The following ECE2 variants were observed in gnomAD, a reference collection of about 807,000 sequenced individuals.
ECE2 encodes endothelin converting enzyme 2, also known as endothelin-converting enzyme 2.
Under a neutral mutation model 100.6 loss-of-function variants are expected in ECE2, and 81 were observed. The ratio of observed to expected loss-of-function variants is 0.81; its 90% CI spans 0.67 to 0.97. The LOEUF (loss-of-function observed/expected upper bound fraction) is 0.97. Among genes scored for constraint, ECE2 ranks in the 50% least tolerant of loss-of-function variants. The pLI is 0.00. For missense variants in ECE2, 911 were observed against 988.1 expected (o/e 0.92, Z 1.05); for synonymous variants, 391 against 391.5 (o/e 1.00, Z 0.02).
chr3:184,291,624 C>G lies in ECE2; in HGVS notation c.2121+185C>G. On this transcript the variant is annotated intron_variant, in intron 18 of 18. Transcript: ENST00000404464. This position sits in a 1 kb window ranked among gnomAD's most constrained non-coding sequence, Gnocchi z 4.1. ...GGCCAGCCAGGGCCCACAAAGGCAG[C>G]CTGAAGAGGCCTGAGCGGGAGAATG... 1 of 568,508 alleles carries G rather than the reference C, an allele frequency of 1.8e-6. No individual in the cohort carries two copies. The highest frequency in any genetic ancestry group is 3.1e-6 in the Non-Finnish European group (1 of 327,676). The allele number at this position is 568,508 out of a possible 1,614,324, so 35.2% of individuals were successfully genotyped here. A position where few individuals can be genotyped will look rare whatever the true frequency, so the allele number is the denominator to read the frequency against.
Position 184,285,641 on chromosome 3 carries a change from C to A in ECE2, c.1263+49C>A, listed in dbSNP as rs113773237. ...ACGTTCTGATCCAGTCTAACCGATG[C>A]TGCATACCTTCAGTGTGACAGGCAC... On this transcript the variant is annotated intron_variant, in intron 10 of 18. Coordinates refer to ENST00000404464, the MANE Select transcript of ECE2 (RefSeq NM_001100121.2). 1,013 of 1,324,638 alleles carry A rather than the reference C, an allele frequency of 7.6e-4. 5 individuals carry two copies. The African/African-American group carries it at 0.014, about 18-fold the overall frequency. 82.1% of individuals were successfully genotyped at this position (1,324,638 alleles called of 1,614,324 possible). A position where few individuals can be genotyped will look rare whatever the true frequency, so the allele number is the denominator to read the frequency against.
At chr3:184,283,162 T>C (rs1045397344) in intron 7 of ECE2, among the ~76,000 whole-genome samples, 5 of 152,178 alleles carry the variant, frequency 3.3e-5, no homozygotes, top group African/African-American at 1.2e-4. Flanking sequence ...TTACTCTGTG[T>C]TCTAGTCCCT....
At chr3:184,279,107 C>T (rs1294210629) in intron 7 of ECE2, among the ~76,000 whole-genome samples, 1 of 151,792 alleles carries the variant, frequency 6.6e-6, no homozygotes, top group Non-Finnish European at 1.5e-5. Flanking sequence ...GTCAGGAGTT[C>T]GAGACCAGGC....
chr3:184,291,983 C>T lies in ECE2; in HGVS notation c.2122-79C>T, dbSNP rs1363712334. 6.6e-6 allele frequency: 10 copies of T among 1,505,032 alleles called. 1 individual carries two copies. The South Asian group carries it at 8.9e-5, about 13-fold the overall frequency. 93.2% of individuals were successfully genotyped at this position (1,505,032 alleles called of 1,614,324 possible). A position where few individuals can be genotyped will look rare whatever the true frequency, so the allele number is the denominator to read the frequency against. On this transcript the variant is annotated intron_variant, in intron 18 of 18. Coordinates refer to ENST00000404464, the MANE Select transcript of ECE2 (RefSeq NM_001100121.2). The surrounding 1 kb of genome is among the most constrained non-coding windows in gnomAD (Gnocchi z 4.1). ...GGCTGCAGCGGTGGTGGTTTGTGCCCCTGGGATGGCTGTAGCTGACTCTAA... is the reference window on the plus strand; with the variant it reads ...GGCTGCAGCGGTGGTGGTTTGTGCCTCTGGGATGGCTGTAGCTGACTCTAA...
Position 184,291,515 on chromosome 3 carries a change from G to A in ECE2, c.2121+76G>A. 2.2e-6 allele frequency: 3 copies of A among 1,346,316 alleles called. No individual in the cohort carries two copies. Among genetic ancestry groups the A allele is most frequent in the African/African-American group, 3.0e-5 (2 of 67,474 alleles). 83.4% of individuals were successfully genotyped at this position (1,346,316 alleles called of 1,614,324 possible). ...CTGAGTATGTCATTAGGAGAACTCT[G>A]GGGCACGTGTCAAACGGGCTGGTGA... On this transcript the variant is annotated intron_variant, in intron 18 of 18. Transcript: ENST00000404464. The surrounding 1 kb of genome is among the most constrained non-coding windows in gnomAD (Gnocchi z 4.1).
chr3:184,288,639 C>T (rs1721173621), intron 11 of ECE2, among the ~76,000 whole-genome samples: 1 of 152,032 alleles, frequency 6.6e-6, no homozygotes, highest in Admixed American at 6.6e-5. Context: ...CCTTAAATGG[C>T]TGATATATCT....
chr3:184,277,449 T>C lies in ECE2; in HGVS notation c.461T>C (p.Ile154Thr), dbSNP rs564514075. 4.3e-6 allele frequency: 7 copies of C among 1,614,176 alleles called. No homozygotes were observed. The African/African-American group carries it at 8.0e-5, about 18-fold the overall frequency. Reference sequence around the variant, plus strand: ...AGCCTCTGGGACCAAAACCAGGCCATACTGAAGCACCTGCTTGGTGAGTGG... The same window carrying C: ...AGCCTCTGGGACCAAAACCAGGCCACACTGAAGCACCTGCTTGGTGAGTGG... ...FNSLWDQNQA[I>T]LKHLLENTTF... The change falls in exon 4 of 19, where the codon ATA (isoleucine) becomes ACA (threonine). Residue 154 changes from isoleucine to threonine, a missense_variant. Transcript: ENST00000404464.
Position 184,290,670 on chromosome 3 carries a change from G to A in ECE2, c.1766+3G>A. On this transcript the variant is annotated splice_donor_region_variant and intron_variant, in intron 15 of 18. Transcript: ENST00000404464. ...TTCTATGCCCGCAACCACCCCAAGT[G>A]TGTCTGAAGCAGGAGGGGCTGGGTG... 1 of 1,613,974 alleles carries A rather than the reference G, an allele frequency of 6.2e-7. No individual in the cohort carries two copies. Among genetic ancestry groups the A allele is most frequent in the South Asian group, 1.1e-5 (1 of 91,052 alleles).
rs771399083 is a variant in ECE2 at position 184,291,290 on chromosome 3, C to T, written c.2026-54C>T. 19 of 1,586,920 alleles carry T rather than the reference C, an allele frequency of 1.2e-5. No individual in the cohort carries two copies. Among genetic ancestry groups the T allele is most frequent in the East Asian group, 6.8e-5 (3 of 44,416 alleles). On this transcript the variant is annotated intron_variant, in intron 17 of 18. Coordinates refer to ENST00000404464, the MANE Select transcript of ECE2 (RefSeq NM_001100121.2). The surrounding 1 kb of genome is among the most constrained non-coding windows in gnomAD (Gnocchi z 4.1). ...CCTGCTGGCCTGGGGTGAAAGGTGC[C>T]GGGTGGGTGGGGGCAGGCCTGGATG...
At chr3:184,279,706 C>T (rs1415388646) in intron 7 of ECE2, among the ~76,000 whole-genome samples, 2 of 149,658 alleles carry the variant, frequency 1.3e-5, no homozygotes, top group African/African-American at 4.9e-5. Context: ...TGTGTCTGGA[C>T]CATGGCAAGG....
At chr3:184,288,601 A>T (rs1324937556) in intron 11 of ECE2, among the ~76,000 whole-genome samples, 2 of 152,174 alleles carry the variant, frequency 1.3e-5, no homozygotes, top group South Asian at 2.1e-4. Flanking sequence ...AGGAAAAATA[A>T]ATTGTGGTTA....
In ECE2 at chr3:184,292,518, G is replaced by A. The variant is rs1721377673; in HGVS notation, c.*280G>A. The A allele has an allele frequency of 2.1e-6, 1 of 483,232 alleles. No individual in the cohort carries two copies. Among genetic ancestry groups the A allele is most frequent in the Non-Finnish European group, 3.8e-6 (1 of 266,182 alleles). The allele number at this position is 483,232 out of a possible 1,614,324, so 29.9% of individuals were successfully genotyped here. On this transcript the variant is annotated 3_prime_UTR_variant, in exon 19 of 19. Coordinates refer to ENST00000404464, the MANE Select transcript of ECE2 (RefSeq NM_001100121.2). ...TGGGTGGGGAGGCCAGTTCCCATAG[G>A]AAGGAGTCTGCCTCTTCTGTCCCCA...
rs759054697 is a variant in ECE2 at position 184,276,894 on chromosome 3, G to T, written c.129G>T (p.Val43=). The change falls in exon 3 of 19, where the codon GTG becomes GTT. Residue 43 remains valine (V), a splice_region_variant and synonymous_variant. Coordinates refer to ENST00000404464, the MANE Select transcript of ECE2 (RefSeq NM_001100121.2). The part of the protein sequence containing the change: ...EGGASPDAME[V]GFQKGTRQLL... ...CTCTGTCCCCCTGTGTTCCCCAGGT[G>T]GGATTCCAGAAGGGGACAAGACAGC... The T allele has an allele frequency of 3.7e-6, 6 of 1,614,074 alleles. No homozygotes were observed. In the South Asian group the frequency reaches 6.6e-5, roughly 18 times the overall value.
chr3:184,283,943 C>A lies in ECE2; in HGVS notation c.975C>A (p.Ile325=). 1 of 1,613,966 alleles carries A rather than the reference C, an allele frequency of 6.2e-7. No individual in the cohort carries two copies. Among genetic ancestry groups the A allele is most frequent in the Non-Finnish European group, 8.5e-7 (1 of 1,179,986 alleles). The change falls in exon 8 of 19, where the codon ATC becomes ATA. Residue 325 remains isoleucine (I), a synonymous_variant. Transcript: ENST00000404464. ...ACCAGCGGCGCGACGAGGAGAAGAT[C>A]TACCACAAGATGAGCATTTCGGAGC... The part of the protein sequence containing the change: ...PQDQRRDEEK[I]YHKMSISELQ...
Position 184,277,456 on chromosome 3 carries a change from G to A in ECE2, c.468G>A (p.Lys156=). The change falls in exon 4 of 19, where the codon AAG becomes AAA. Residue 156 remains lysine (K), a synonymous_variant. Transcript: ENST00000404464. ...SLWDQNQAIL[K]HLLENTTFNS... is the part of the protein sequence containing the mutation. Reference sequence around the variant, plus strand: ...GGGACCAAAACCAGGCCATACTGAAGCACCTGCTTGGTGAGTGGGGCTGTT... The same window carrying A: ...GGGACCAAAACCAGGCCATACTGAAACACCTGCTTGGTGAGTGGGGCTGTT... 1.2e-6 allele frequency: 2 copies of A among 1,614,100 alleles called. No individual in the cohort carries two copies. The highest frequency in any genetic ancestry group is 8.5e-7 in the Non-Finnish European group (1 of 1,179,972).
rs1338417772 is a variant in ECE2, at chr3:184,277,314, C to T, written c.326C>T (p.Ser109Phe). The change falls in exon 4 of 19, where the codon TCC becomes TTC. Residue 109 changes from serine to phenylalanine, a missense_variant. Coordinates refer to ENST00000404464, the MANE Select transcript of ECE2 (RefSeq NM_001100121.2). ...CGAGTGGCTGGAAAAATCCTGGAGTCCCTGGACCGAGGGGTGAGCCCCTGT... is the reference window on the plus strand; with the variant it reads ...CGAGTGGCTGGAAAAATCCTGGAGTTCCTGGACCGAGGGGTGAGCCCCTGT... ...CIRVAGKILE[S>F]LDRGVSPCED... is the part of the protein sequence containing the mutation. The T allele has an allele frequency of 6.2e-7, 1 of 1,614,246 alleles. No individual in the cohort carries two copies. Among genetic ancestry groups the T allele is most frequent in the Non-Finnish European group, 8.5e-7 (1 of 1,180,050 alleles).
At chr3:184,282,934 G>A (rs566461169) in intron 7 of ECE2, among the ~76,000 whole-genome samples, 8 of 152,172 alleles carry the variant, frequency 5.3e-5, no homozygotes, top group Non-Finnish European at 1.2e-4. Context: ...GGAGACCAGC[G>A]GGTAGTGGAG....
chr3:184,287,518 C>T (rs898357778), intron 10 of ECE2, among the ~76,000 whole-genome samples: 1 of 152,024 alleles, frequency 6.6e-6, no homozygotes, highest in African/African-American at 2.4e-5. Flanking sequence ...ATGGTGAGAC[C>T]CCTTCTGTAC....
chr3:184,283,947 C>G lies in ECE2; in HGVS notation c.979C>G (p.His327Asp). ...DQRRDEEKIY[H>D]KMSISELQAL... ...GCGGCGCGACGAGGAGAAGATCTAC[C>G]ACAAGATGAGCATTTCGGAGCTGCA... is the stretch of plus-strand genomic sequence containing the variant. Residue 327 changes from histidine to aspartate, a missense_variant, in exon 8 of 19, where the codon CAC becomes GAC. Coordinates refer to ENST00000404464, the MANE Select transcript of ECE2 (RefSeq NM_001100121.2). 1 of 1,613,926 alleles carries G rather than the reference C, an allele frequency of 6.2e-7. No homozygotes were observed. Among genetic ancestry groups the G allele is most frequent in the Non-Finnish European group, 8.5e-7 (1 of 1,179,988 alleles).
Sources: gnomAD v4.1 joint callset for allele counts (sites outside exome capture counted in the v4.1 genomes callset) on GRCh38, gnomAD v4.1.1 for gene constraint, Gnocchi (gnomAD v3.1) non-coding constraint, MANE v1.5 for transcripts, NCBI Gene and HGNC (gene_info 2026-07-23, HGNC 2026-07-21) for gene names.